The following NR3C1 variants were observed in gnomAD, a reference collection of about 807,000 sequenced individuals.
The protein encoded by NR3C1 is glucocorticoid receptor.
Under a neutral mutation model 74.0 loss-of-function variants are expected in NR3C1, and 14 were observed. The ratio of observed to expected loss-of-function variants is 0.19; its 90% CI spans 0.12 to 0.30. The LOEUF is 0.30. NR3C1 is among the 10% of genes least tolerant of loss of function. The probability of loss-of-function intolerance (pLI) is 1.00; values close to 1 mark genes in which losing one functional copy is unlikely to be tolerated. For synonymous variants in NR3C1, 308 were observed against 332.5 expected, an observed-to-expected ratio of 0.93 and a Z score of 0.80; for missense variants, 695 against 909.8, an observed-to-expected ratio of 0.76 and a Z score of 3.04.
In NR3C1 at chr5:143,399,705, C is replaced by A; in HGVS notation, c.1135G>T (p.Gly379Trp). 1 of 1,614,088 alleles carries A rather than the reference C, an allele frequency of 6.2e-7. No individual in the cohort carries two copies. Among genetic ancestry groups the A allele is most frequent in the Non-Finnish European group, 8.5e-7 (1 of 1,180,010 alleles). The change falls in exon 2 of 9, where the codon GGG becomes TGG. Residue 379 changes from glycine (G) to tryptophan (W), a missense_variant. Gly to Trp is a radical substitution (Grantham distance 184). Around this residue, in one of 4 missense-constraint regions of NR3C1, gnomAD observed 497 missense variants for 489.5 expected, o/e 1.02. Coordinates refer to ENST00000394464, the MANE Select transcript of NR3C1 (RefSeq NM_000176.3). ...GTTCGACCAGGGAAGTTCAGAGTCCCCAGAGAAGTCAAGTTGTCATCTCCA... is the reference window on the plus strand; with the variant it reads ...GTTCGACCAGGGAAGTTCAGAGTCCACAGAGAAGTCAAGTTGTCATCTCCA... ...GSGDDNLTSL[G>W]TLNFPGRTVF...
At chr5:143,363,947 G>A (rs1394668653) in intron 2 of NR3C1, among the ~76,000 whole-genome samples, 1 of 151,998 alleles carries the variant, frequency 6.6e-6, no homozygotes, top group East Asian at 1.9e-4. Flanking sequence ...AATAATCAGA[G>A]TGACAGAAGG....
chr5:143,375,762 C>G (rs1325718535), intron 2 of NR3C1: 3 of 152,174 alleles, frequency 2.0e-5, no homozygotes, highest in Non-Finnish European at 2.9e-5. Flanking sequence ...TCCCTGAAGA[C>G]TGTTTACACT....
intron 1 of NR3C1, among the ~76,000 whole-genome samples, chr5:143,413,032 C>T (rs536138906): frequency 1.3e-5 from 2 of 152,246 alleles, no homozygotes; most frequent in East Asian, 3.9e-4. Flanking sequence ...AATACAATTC[C>T]TTCAACAAAA....
intron 2 of NR3C1, among the ~76,000 whole-genome samples, chr5:143,316,727 A>C (rs1255190212): frequency 6.6e-6 from 1 of 152,236 alleles, no homozygotes; most frequent in Non-Finnish European, 1.5e-5. Context: ...ATAAGGTAAC[A>C]CATAGAAAAT....
intron 2 of NR3C1, among the ~76,000 whole-genome samples, chr5:143,343,186 T>C (rs1020183432): frequency 3.3e-5 from 5 of 152,196 alleles, no homozygotes; most frequent in Non-Finnish European, 5.9e-5. Flanking sequence ...AGTATTCTAG[T>C]GCAATGCAGA....
chr5:143,325,470 G>A (rs1824383094), intron 2 of NR3C1, among the ~76,000 whole-genome samples: 1 of 152,200 alleles, frequency 6.6e-6, no homozygotes, highest in Non-Finnish European at 1.5e-5. Context: ...ATTCTGGTGA[G>A]GACACAGCCA....
chr5:143,413,917 AG>A (rs1186651009), intron 1 of NR3C1, among the ~76,000 whole-genome samples: 1 of 2,050 alleles, frequency 4.9e-4, no homozygotes, highest in East Asian at 0.17. Flanking sequence ...CTGGGCATGC[AG>A]AAAAAAACCC....
chr5:143,366,101 G>A (rs190308258), intron 2 of NR3C1, among the ~76,000 whole-genome samples: 2 of 152,192 alleles, frequency 1.3e-5, no homozygotes, highest in East Asian at 3.9e-4. Flanking sequence ...CACCTTAAGA[G>A]ACTAGAAAAA....
chr5:143,423,993 G>C (rs13155635), intron 1 of NR3C1, among the ~76,000 whole-genome samples: 3 of 146,374 alleles, frequency 2.0e-5, no homozygotes, highest in Admixed American at 1.4e-4. Context: ...ATTCTCACTC[G>C]TAGGTGGGAA....
rs867421302 is a variant in NR3C1, at chr5:143,312,888, G to C, written c.1351+1114C>G. ...TATTAGGAGCAATGCACAAAGCAGG[G>C]CTGGGCTTTACTTTTGACTCTAATC... On this transcript the variant is annotated intron_variant, in intron 3 of 8. Coordinates refer to ENST00000394464, the MANE Select transcript of NR3C1 (RefSeq NM_000176.3). Among the ~76,000 whole-genome samples the C allele has an allele frequency of 4.3e-4, 66 of 152,304 alleles. 1 individual carries two copies. The highest frequency in any genetic ancestry group is 3.4e-3 in the Middle Eastern group (1 of 294).
chr5:143,410,100 A>G (rs897939519), intron 1 of NR3C1, among the ~76,000 whole-genome samples: 18 of 152,204 alleles, frequency 1.2e-4, no homozygotes, highest in Non-Finnish European at 2.1e-4. Context: ...AGCACACTGA[A>G]TAATTGCAAC....
At chr5:143,363,580 AT>A (rs1472378565) in intron 2 of NR3C1, among the ~76,000 whole-genome samples, 117 of 49,212 alleles carry the variant, frequency 2.4e-3, no homozygotes, top group Admixed American at 7.8e-3. Flanking sequence ...CTCCAAAAAA[AT>A]AAAAAAAAAA....
At chr5:143,292,021 T>C (rs560031919) in intron 7 of NR3C1, among the ~76,000 whole-genome samples, 7 of 152,324 alleles carry the variant, frequency 4.6e-5, no homozygotes, top group African/African-American at 1.7e-4. Flanking sequence ...TTGTAGTTTT[T>C]TTGCTGAAAG....
rs35956102 is a variant in NR3C1, at chr5:143,419,590, G to A, written c.-14+14942C>T. The stretch of plus-strand genomic sequence containing the variant: ...TAGGTTCCGTGATGCCCCACAAGCC[G>A]CAAAACCAGCAAGTTTTTATTAGGG... On this transcript the variant is annotated intron_variant, in intron 1 of 8. Coordinates refer to the NR3C1 transcript ENST00000343796. Among the ~76,000 whole-genome samples the A allele has an allele frequency of 5.9e-3, 904 of 152,198 alleles. 7 individuals carry two copies. Among genetic ancestry groups the A allele is most frequent in the Non-Finnish European group, 8.0e-3 (547 of 68,010 alleles).
chr5:143,400,456 G>A lies in NR3C1; in HGVS notation c.384C>T (p.Asn128=), dbSNP rs768670185. 5 of 1,614,200 alleles carry A rather than the reference G, an allele frequency of 3.1e-6. No homozygotes were observed. In the South Asian group the frequency reaches 4.4e-5, roughly 14 times the overall value. Residue 128 remains asparagine (N), a synonymous_variant, in exon 2 of 9, where the codon AAC becomes AAT. Coordinates refer to ENST00000394464, the MANE Select transcript of NR3C1 (RefSeq NM_000176.3). Reference sequence around the variant, plus strand: ...CTGGAACACTGGTCGACCTATTGAGGTTTGCAATGCTTTCTTCCAAAAGCT... The same window carrying A: ...CTGGAACACTGGTCGACCTATTGAGATTTGCAATGCTTTCTTCCAAAAGCT... ...DLKLLEESIA[N]LNRSTSVPEN...
Position 143,281,904 on chromosome 5 carries a change from C to G in NR3C1, c.2319G>C (p.Leu773=). The stretch of plus-strand genomic sequence containing the variant: ...ATTAAGGCAGTCACTTTTGATGAAA[C>G]AGAAGTTTTTTGATATTTCCATTTG... ...KYSNGNIKKL[L]FHQK is the part of the protein sequence containing the mutation. Residue 773 remains leucine (L), a synonymous_variant, in exon 9 of 9, where the codon CTG becomes CTC. Transcript: ENST00000394464. The G allele has an allele frequency of 6.2e-7, 1 of 1,613,396 alleles. No homozygotes were observed.
At chr5:143,398,375 T>G (rs1401214391) in intron 2 of NR3C1, among the ~76,000 whole-genome samples, 1 of 149,028 alleles carries the variant, frequency 6.7e-6, no homozygotes, top group Non-Finnish European at 1.5e-5. Context: ...TTTTTTTTTT[T>G]GACAACTAAG....
At chr5:143,433,899 A>C (rs1194801698) in intron 1 of NR3C1, 1 of 152,426 alleles carries the variant, frequency 6.6e-6, no homozygotes, top group Admixed American at 6.5e-5. Flanking sequence ...GTCAAAGCCC[A>C]GTCTGCACCT....
chr5:143,421,485 G>A (rs1243766673), intron 1 of NR3C1, among the ~76,000 whole-genome samples: 2 of 152,122 alleles, frequency 1.3e-5, no homozygotes, highest in African/African-American at 2.4e-5. Context: ...TCACAGGATT[G>A]TTATGAGGAC....
Sources: gnomAD v4.1 joint callset for allele counts (sites outside exome capture counted in the v4.1 genomes callset) on GRCh38, gnomAD v4.1.1 for gene constraint, gnomAD v4.1.1 regional missense constraint, MANE v1.5 for transcripts, NCBI Gene and HGNC (gene_info 2026-07-23, HGNC 2026-07-21) for gene names.